The following ELP6 variants were observed in gnomAD, a reference collection of about 807,000 sequenced individuals.
The protein encoded by ELP6 is elongator complex protein 6.
Under a neutral mutation model 28.1 loss-of-function variants are expected in ELP6, and 23 were observed. That is an observed-to-expected ratio of 0.82 (90% CI 0.59 to 1.16). ELP6 has a LOEUF of 1.16. ELP6 is among the 50% of genes most tolerant of loss of function. The pLI is 0.00. For missense variants in ELP6, 313 were observed against 334.6 expected, an observed-to-expected ratio of 0.94 and a Z score of 0.50; for synonymous variants, 132 against 135.8, an observed-to-expected ratio of 0.97 and a Z score of 0.19.
At chr3:47,504,511 A>G in intron 3 of ELP6, 63 bp from the exon 4 acceptor site, 5 of 1,502,226 alleles carry the variant, frequency 3.3e-6, no homozygotes, top group Non-Finnish European at 4.5e-6. Flanking sequence ...ACTAGATGCC[A>G]GCTTGCAAGA....
chr3:47,513,428 C>T (rs533745144), intron 1 of ELP6, 109 bp downstream of exon 1: 5 of 1,523,990 alleles, frequency 3.3e-6, no homozygotes, highest in East Asian at 2.4e-5. Context: ...CCAGGTACCC[C>T]GTGCCGGGTC....
At chr3:47,498,261 T>C (rs2170814) in intron 6 of ELP6, 25 bp downstream of exon 6, 1,599,162 of 1,611,792 alleles carry the variant, frequency 0.99, 794,047 homozygotes, top group East Asian at 1. Flanking sequence ...GCAAGAAGCC[T>C]GTTGCCCAGG....
Position 47,513,688 on chromosome 3 carries a change from C to T in ELP6, c.-98G>A. On this transcript the variant is annotated 5_prime_UTR_variant, in exon 1 of 7. Coordinates refer to ENST00000296149, the MANE Select transcript of ELP6 (RefSeq NM_001031703.3). ...AACACACCCGACAGCCCGGCTCGCG[C>T]AAGGAAGCGCGCATGCGCAATGCCA... The T allele has an allele frequency of 1.3e-6, 2 of 1,506,242 alleles. No individual in the cohort carries two copies. Among genetic ancestry groups the T allele is most frequent in the South Asian group, 1.2e-5 (1 of 85,428 alleles). The allele number at this position is 1,506,242 out of a possible 1,614,324, so 93.3% of individuals were successfully genotyped here.
At chr3:47,501,921 C>T (rs1708672345) in intron 4 of ELP6, 70 bp from the exon 5 acceptor site, 4 of 1,442,334 alleles carry the variant, frequency 2.8e-6, no homozygotes, top group East Asian at 4.9e-5. Flanking sequence ...CCAAGTAGCA[C>T]GACAGGAGAG....
At chr3:47,505,266 AAAACAAAC>A (rs748661683) in intron 3 of ELP6, among the ~76,000 whole-genome samples, 12 of 152,038 alleles carry the variant, frequency 7.9e-5, no homozygotes, top group South Asian at 2.1e-4. Context: ...AACTGTCTCA[AAAACAAAC>A]AAACAAACAA....
Position 47,495,764 on chromosome 3 carries a change from A to G in ELP6, c.*305T>C, listed in dbSNP as rs1708463431. ...CACTCTGGCTCTGAAAGGCTTGTCA[A>G]CCAAAAATGGGCAGCTGGGGCTAAG... On this transcript the variant is annotated 3_prime_UTR_variant, in exon 7 of 7. Transcript: ENST00000296149. The G allele has an allele frequency of 6.2e-6, 2 of 321,768 alleles. No individual in the cohort carries two copies. The highest frequency in any genetic ancestry group is 1.0e-4 in the Admixed American group (2 of 19,364). The allele number at this position is 321,768 out of a possible 1,614,324, so 19.9% of individuals were successfully genotyped here.
intron 3 of ELP6, among the ~76,000 whole-genome samples, chr3:47,506,564 C>G (rs1192719630): frequency 1.3e-5 from 2 of 152,182 alleles, no homozygotes; most frequent in African/African-American, 2.4e-5. Context: ...GATATTTCTC[C>G]CATTTGCTTT....
At chr3:47,503,914 G>T (rs775630210) in intron 4 of ELP6, among the ~76,000 whole-genome samples, 15 of 151,944 alleles carry the variant, frequency 9.9e-5, no homozygotes, top group Non-Finnish European at 1.5e-4. Context: ...ACAAAAAAAA[G>T]GAATTTTAAA....
intron 4 of ELP6, 194 bp downstream of exon 4, chr3:47,504,136 T>C (rs1169501300): frequency 1.6e-6 from 1 of 630,690 alleles, no homozygotes; most frequent in Non-Finnish European, 2.6e-6. Flanking sequence ...CTATAGCTTT[T>C]GGGACAAATG....
intron 1 of ELP6, 194 bp from the exon 2 acceptor site, chr3:47,511,420 C>T: frequency 1.4e-6 from 2 of 1,397,898 alleles, no homozygotes; most frequent in Non-Finnish European, 1.9e-6. Flanking sequence ...CTAAAGTTAT[C>T]ACTTATTGTT....
chr3:47,496,364 C>T (rs1311577997), intron 6 of ELP6, 167 bp from the exon 7 acceptor site: 18 of 984,886 alleles, frequency 1.8e-5, no homozygotes, highest in East Asian at 2.3e-4. Flanking sequence ...CTATCACCAG[C>T]TAACTACAAA....
chr3:47,501,920 A>G (rs1257070941), intron 4 of ELP6, 69 bp from the exon 5 acceptor site: 15 of 1,442,232 alleles, frequency 1.0e-5, no homozygotes, highest in Non-Finnish European at 1.3e-5. Flanking sequence ...ACCAAGTAGC[A>G]CGACAGGAGA....
chr3:47,496,507 T>G, intron 6 of ELP6: 1 of 980,648 alleles, frequency 1.0e-6, no homozygotes, highest in Non-Finnish European at 1.2e-6. Context: ...TTTTTTTTTT[T>G]TTTTTTGAAG....
chr3:47,499,990 G>T, intron 5 of ELP6: 4 of 1,337,194 alleles, frequency 3.0e-6, no homozygotes, highest in South Asian at 1.2e-5. Flanking sequence ...TGCTGCTTCA[G>T]ACACACTGGC....
intron 5 of ELP6, chr3:47,500,026 C>T: frequency 7.7e-7 from 1 of 1,294,652 alleles, no homozygotes; most frequent in Admixed American, 2.4e-5. Context: ...TAGCTGGAGG[C>T]TCTCGCACAT....
rs148084247 is a variant in ELP6 at position 47,506,483 on chromosome 3, G to C, written c.205-2035C>G. Among the ~76,000 whole-genome samples, 1,003 of 152,264 alleles carry C rather than the reference G, an allele frequency of 6.6e-3. 9 individuals are homozygous for C. The highest frequency in any genetic ancestry group is 0.011 in the Non-Finnish European group (744 of 68,018). On this transcript the variant is annotated intron_variant, in intron 3 of 6. Coordinates refer to ENST00000296149, the MANE Select transcript of ELP6 (RefSeq NM_001031703.3). ...AAGACGGCCATGCCCAGGGGGGCCA[G>C]TTCAGAGACCCACCCCCAAGCGCGT...
chr3:47,497,305 C>T, intron 6 of ELP6: 2 of 985,330 alleles, frequency 2.0e-6, no homozygotes, highest in Admixed American at 1.2e-4. Context: ...GGCAGCAACC[C>T]TGGTCCACGG....
At chr3:47,502,920 T>C (rs1465269630) in intron 4 of ELP6, among the ~76,000 whole-genome samples, 1 of 152,152 alleles carries the variant, frequency 6.6e-6, no homozygotes, top group Non-Finnish European at 1.5e-5. Flanking sequence ...GGCTTCTGTA[T>C]ACGTAACAGA....
chr3:47,513,439 G>C (rs2029963321), intron 1 of ELP6, 98 bp downstream of exon 1: 42 of 1,543,574 alleles, frequency 2.7e-5, no homozygotes, highest in Non-Finnish European at 3.5e-5. Context: ...GTGCCGGGTC[G>C]TCGCGCCATT....
Sources: allele counts gnomAD v4.1 joint callset (sites outside exome capture counted in the v4.1 genomes callset), GRCh38; gene constraint gnomAD v4.1.1; transcripts MANE v1.5; gene names NCBI Gene and HGNC (gene_info 2026-07-23, HGNC 2026-07-21).